The following TPH2 variants were observed in gnomAD, a reference collection of about 807,000 sequenced individuals.
TPH2 encodes tryptophan hydroxylase 2.
A neutral mutation model predicts 59.1 loss-of-function variants in TPH2; 27 were observed. The ratio of observed to expected loss-of-function variants is 0.46; its 90% confidence interval spans 0.34 to 0.63. The LOEUF is 0.63. Among genes scored for constraint, TPH2 ranks in the 30% least tolerant of loss-of-function variants. The pLI, the probability that TPH2 is intolerant of heterozygous loss-of-function variation, is 0.01. For missense variants in TPH2, 523 were observed against 588.3 expected (o/e 0.89, Z 1.15); for synonymous variants, 220 against 210.5 (o/e 1.05, Z -0.39).
At chr12:72,012,330 G>A (rs1179768736) in intron 8 of TPH2, among the ~76,000 whole-genome samples, 3 of 152,138 alleles carry the variant, frequency 2.0e-5, no homozygotes, top group Non-Finnish European at 4.4e-5. Context: ...AGGGAGGAGG[G>A]CCACCTAACC....
intron 8 of TPH2, among the ~76,000 whole-genome samples, chr12:72,007,418 CTAAATAAAGCAA>C (rs1184460479): frequency 6.6e-6 from 1 of 152,152 alleles, no homozygotes; most frequent in Non-Finnish European, 1.5e-5. Flanking sequence ...CCCTGAATAA[CTAAATAAAGCAA>C]TAAATTTGGG....
chr12:71,949,719 C>CT (rs1444685806), intron 5 of TPH2, 64 bp downstream of exon 5: 133 of 1,362,776 alleles, frequency 9.8e-5, no homozygotes, highest in South Asian at 3.8e-4. Context: ...CTGTGTTAAA[C>CT]AAACCTGTCA....
intron 5 of TPH2, among the ~76,000 whole-genome samples, chr12:71,969,005 G>A (rs1592391494): frequency 2.6e-5 from 4 of 152,274 alleles, no homozygotes; most frequent in Admixed American, 2.0e-4. Context: ...ATAACGGGCC[G>A]GAAGCGGCTG....
chr12:71,948,068 A>G (rs1871244159), intron 4 of TPH2, among the ~76,000 whole-genome samples: 1 of 152,128 alleles, frequency 6.6e-6, no homozygotes, highest in South Asian at 2.1e-4. Context: ...GTGTTGAAAC[A>G]AGTACTTTCT....
intron 8 of TPH2, among the ~76,000 whole-genome samples, chr12:71,997,190 T>C (rs1267231971): frequency 6.6e-6 from 1 of 152,176 alleles, no homozygotes; most frequent in African/African-American, 2.4e-5. Context: ...CAACGCTGCA[T>C]CTCTTTGATC....
chr12:72,031,768 C>T lies in TPH2; in HGVS notation c.*73C>T. 7.1e-6 allele frequency: 11 copies of T among 1,559,050 alleles called. No individual in the cohort carries two copies. Among genetic ancestry groups the T allele is most frequent in the Non-Finnish European group, 2.6e-6 (3 of 1,132,080 alleles). Reference sequence around the variant, plus strand: ...GCAGTTCAGTCAATGTCATATAACGCAAATAACCTTCTGTGTCATGGCTTG... The same window carrying T: ...GCAGTTCAGTCAATGTCATATAACGTAAATAACCTTCTGTGTCATGGCTTG... On this transcript the variant is annotated 3_prime_UTR_variant, in exon 11 of 11. Coordinates refer to ENST00000333850, the MANE Select transcript of TPH2 (RefSeq NM_173353.4).
At chr12:71,941,097 C>T (rs545101023) in intron 1 of TPH2, among the ~76,000 whole-genome samples, 7 of 152,206 alleles carry the variant, frequency 4.6e-5, no homozygotes, top group Admixed American at 4.6e-4. Context: ...CATGTGCTGA[C>T]ATATTTTGGA....
At chr12:71,947,041 A>G (rs889349193) in intron 4 of TPH2, among the ~76,000 whole-genome samples, 1 of 152,198 alleles carries the variant, frequency 6.6e-6, no homozygotes, top group Non-Finnish European at 1.5e-5. Flanking sequence ...TTAAAAATAC[A>G]ATATCTTGAT....
chr12:71,972,596 A>C lies in TPH2; in HGVS notation c.686A>C (p.Lys229Thr). 6.2e-7 allele frequency: 1 copy of C among 1,614,166 alleles called. No homozygotes were observed. Among genetic ancestry groups the C allele is most frequent in the Non-Finnish European group, 8.5e-7 (1 of 1,180,028 alleles). Residue 229 changes from lysine (K) to threonine (T), a missense_variant, in exon 6 of 11, where the codon AAA becomes ACA. Physicochemically the swap from Lys to Thr is moderately conservative, Grantham distance 78. Transcript: ENST00000333850. ...GGTGTTGTATTCCGGGAGCTCTCCA[A>C]ACTCTATCCCACTCATGCTTGCCGA... is the stretch of plus-strand genomic sequence containing the variant. ...TWGVVFRELS[K>T]LYPTHACREY...
At chr12:71,988,338 C>T (rs946114466) in intron 7 of TPH2, among the ~76,000 whole-genome samples, 3 of 152,074 alleles carry the variant, frequency 2.0e-5, no homozygotes, top group Non-Finnish European at 2.9e-5. Flanking sequence ...AAAAAATACC[C>T]GAGACTGGGA....
chr12:71,962,044 T>C, intron 5 of TPH2: 1 of 1,031,460 alleles, frequency 9.7e-7, no homozygotes, highest in Non-Finnish European at 1.2e-6. Context: ...TGATCGCAAA[T>C]GCTCTTTACC....
chr12:72,002,232 A>G (rs1872840973), intron 8 of TPH2, among the ~76,000 whole-genome samples: 1 of 152,180 alleles, frequency 6.6e-6, no homozygotes. Flanking sequence ...CCATGCAAAG[A>G]GGGTCTGGCT....
At chr12:72,031,076 C>G (rs983032584) in intron 9 of TPH2, among the ~76,000 whole-genome samples, 182 bp from the exon 10 acceptor site, 1 of 152,024 alleles carries the variant, frequency 6.6e-6, no homozygotes, top group Non-Finnish European at 1.5e-5. Flanking sequence ...AACAAACAAC[C>G]AAACAAAATC....
At chr12:72,016,585 T>G (rs1873261219) in intron 8 of TPH2, among the ~76,000 whole-genome samples, 1 of 152,184 alleles carries the variant, frequency 6.6e-6, no homozygotes, top group African/African-American at 2.4e-5. Flanking sequence ...AAAGGGCCCT[T>G]TTAAGTTCTC....
chr12:72,031,344 A>G lies in TPH2; in HGVS notation c.1251A>G (p.Glu417=). ...AATGCCTTATCACCACCTTCCAGGA[A>G]GCCTACTTTGTTTCAGAAAGTTTTG... ...LQECLITTFQ[E]AYFVSESFEE... Residue 417 remains glutamate (E), a synonymous_variant, in exon 10 of 11, where the codon GAA becomes GAG. Coordinates refer to ENST00000333850, the MANE Select transcript of TPH2 (RefSeq NM_173353.4). The G allele has an allele frequency of 6.2e-7, 1 of 1,613,764 alleles. No homozygotes were observed. Among genetic ancestry groups the G allele is most frequent in the Non-Finnish European group, 8.5e-7 (1 of 1,179,676 alleles).
intron 6 of TPH2, among the ~76,000 whole-genome samples, chr12:71,973,721 G>A (rs1034744391): frequency 2.6e-5 from 4 of 152,124 alleles, no homozygotes; most frequent in South Asian, 2.1e-4. Context: ...AATTCTTTGC[G>A]TGAGATCCAA....
chr12:71,957,468 C>T (rs561841244), intron 5 of TPH2, among the ~76,000 whole-genome samples: 243 of 151,376 alleles, frequency 1.6e-3, no homozygotes, highest in Admixed American at 5.1e-3. Flanking sequence ...TCTTGAGTTG[C>T]TGGGACTACA....
chr12:71,980,946 T>A (rs967170645), intron 7 of TPH2, among the ~76,000 whole-genome samples: 72 of 152,320 alleles, frequency 4.7e-4, no homozygotes, highest in African/African-American at 1.7e-3. Flanking sequence ...AAATTTTTTT[T>A]AAAGCAGTTC....
At chr12:72,020,997 T>C (rs1045539140) in intron 8 of TPH2, among the ~76,000 whole-genome samples, 1 of 150,748 alleles carries the variant, frequency 6.6e-6, no homozygotes. Context: ...CAAATAAAAA[T>C]AGAGCAAACT....
Sources: allele counts gnomAD v4.1 joint callset (sites outside exome capture counted in the v4.1 genomes callset), GRCh38; gene constraint gnomAD v4.1.1; transcripts MANE v1.5; gene names NCBI Gene and HGNC (gene_info 2026-07-23, HGNC 2026-07-21).